The following SOX30 variants were observed in gnomAD, a reference collection of about 807,000 sequenced individuals.
SOX30 encodes transcription factor SOX-30.
A neutral mutation model predicts 58.6 loss-of-function variants in SOX30; 17 were observed. The ratio of observed to expected loss-of-function variants is 0.29; its 90% CI spans 0.20 to 0.44. SOX30 has a LOEUF of 0.44. Ranked by LOEUF, SOX30 falls within the 20% of genes least tolerant of loss-of-function variation. The pLI is 1.00. For missense variants in SOX30, 951 were observed against 965.8 expected (o/e 0.98, Z 0.20); for synonymous variants, 421 against 400.2 (o/e 1.05, Z -0.62).
upstream of SOX30, among the ~76,000 whole-genome samples, chr5:157,657,169 T>C (rs950434976): frequency 6.6e-5 from 10 of 152,200 alleles, no homozygotes; most frequent in African/African-American, 2.4e-4. Context: ...TAAAATGGTG[T>C]TTGGATTTTT....
chr5:157,637,087 C>T (rs1271061518), intron 4 of SOX30, among the ~76,000 whole-genome samples: 2 of 145,920 alleles, frequency 1.4e-5, no homozygotes, highest in African/African-American at 2.6e-5. Context: ...GAGCCAAGAT[C>T]GCGCCATTGC....
In SOX30 at chr5:157,638,272, T is replaced by C. The variant is rs754100017; in HGVS notation, c.1838A>G (p.His613Arg). The C allele has an allele frequency of 1.3e-6, 2 of 1,569,202 alleles. No individual in the cohort carries two copies. Among genetic ancestry groups the C allele is most frequent in the Non-Finnish European group, 1.7e-6 (2 of 1,156,320 alleles). ...LFGTPPRFSF[H>R]HPYFLPGPHY... is the part of the protein sequence containing the mutation. Reference sequence around the variant, plus strand: ...AGGTCCGGGTAGGAAGTAAGGGTGATGAAAAGAGAATCTTGGTGGTGTCCC... The same window carrying C: ...AGGTCCGGGTAGGAAGTAAGGGTGACGAAAAGAGAATCTTGGTGGTGTCCC... The change falls in exon 4 of 5, where the codon CAT becomes CGT. Residue 613 changes from histidine to arginine, a missense_variant. By Grantham distance (29) the His-to-Arg change is conservative (BLOSUM62 0). This residue lies in a region of SOX30 where 381 missense variants were observed against 390.0 expected (regional missense o/e 0.98). Coordinates refer to ENST00000265007, the MANE Select transcript of SOX30 (RefSeq NM_178424.2).
chr5:157,657,749 C>G (rs1759502324), intron 2 of SOX30, among the ~76,000 whole-genome samples: 1 of 152,186 alleles, frequency 6.6e-6, no homozygotes, highest in Non-Finnish European at 1.5e-5. Context: ...TTCTCTCTAC[C>G]TAATTTCTCC....
At chr5:157,628,616 T>C (rs1009710588) in intron 4 of SOX30, among the ~76,000 whole-genome samples, 12 of 151,810 alleles carry the variant, frequency 7.9e-5, no homozygotes, top group Middle Eastern at 3.4e-3. Context: ...TTAAATTTAA[T>C]ACACATGTCC....
upstream of SOX30, among the ~76,000 whole-genome samples, chr5:157,652,998 C>T (rs535565380): frequency 1.3e-5 from 2 of 152,320 alleles, no homozygotes; most frequent in South Asian, 4.1e-4. Flanking sequence ...CCCCCAGTGG[C>T]TTGGGATCTA....
intron 4 of SOX30, among the ~76,000 whole-genome samples, chr5:157,634,269 A>G (rs1272389101): frequency 1.3e-5 from 2 of 152,216 alleles, no homozygotes; most frequent in Non-Finnish European, 2.9e-5. Context: ...GTTGGAGTGC[A>G]GTGGCATGAT....
chr5:157,652,299 C>A lies in SOX30; in HGVS notation c.-221G>T. On this transcript the variant is annotated 5_prime_UTR_variant, in exon 1 of 5. Coordinates refer to ENST00000265007, the MANE Select transcript of SOX30 (RefSeq NM_178424.2). ...TCCGGCTCTTCCTGGTCCCTACTCTCGCCTCGTGCTGAGTCCTCGAATCAC... is the reference window on the plus strand; with the variant it reads ...TCCGGCTCTTCCTGGTCCCTACTCTAGCCTCGTGCTGAGTCCTCGAATCAC... The A allele has an allele frequency of 8.1e-7, 1 of 1,236,360 alleles. No homozygotes were observed. Among genetic ancestry groups the A allele is most frequent in the Non-Finnish European group, 1.0e-6 (1 of 991,704 alleles). 76.6% of individuals were successfully genotyped at this position (1,236,360 alleles called of 1,614,324 possible). A position where few individuals can be genotyped will look rare whatever the true frequency, so the allele number is the denominator to read the frequency against.
chr5:157,628,295 G>A (rs1758708738), intron 4 of SOX30, among the ~76,000 whole-genome samples: 1 of 151,594 alleles, frequency 6.6e-6, no homozygotes, highest in South Asian at 2.1e-4. Flanking sequence ...TCTAGTGACA[G>A]ATAACATAAA....
Position 157,626,430 on chromosome 5 carries a change from T to C in SOX30, c.2172A>G (p.Thr724=). The part of the protein sequence containing the change: ...LDIGTLENVF[T]APTSTPSSIQ... ...TGCTAGAAGGAGTTGATGTCGGGGC[T>C]GTGAAGACATTCTCCAAGGTTCCAA... Residue 724 remains threonine (T), a synonymous_variant, in exon 5 of 5, where the codon ACA becomes ACG. Transcript: ENST00000265007. 6.2e-7 allele frequency: 1 copy of C among 1,614,232 alleles called. No homozygotes were observed. Among genetic ancestry groups the C allele is most frequent in the Non-Finnish European group, 8.5e-7 (1 of 1,180,034 alleles).
At chr5:157,668,308 G>A (rs1474351152) in intron 1 of SOX30, among the ~76,000 whole-genome samples, 1 of 152,148 alleles carries the variant, frequency 6.6e-6, no homozygotes. Flanking sequence ...TGTCAGGCAG[G>A]GGCAGTGATT....
At chr5:157,630,939 T>TAAA in intron 4 of SOX30, among the ~76,000 whole-genome samples, 2 of 135,454 alleles carry the variant, frequency 1.5e-5, no homozygotes, top group Admixed American at 8.4e-5. Flanking sequence ...ATTATATATA[T>TAAA]ATACTATATA....
At chr5:157,667,941 A>G in intron 1 of SOX30, 1 of 1,368,230 alleles carries the variant, frequency 7.3e-7, no homozygotes, top group African/African-American at 1.4e-5. Context: ...CCCCACAACA[A>G]CACTTGTCAG....
chr5:157,659,772 G>A (rs1303859952), intron 2 of SOX30, among the ~76,000 whole-genome samples: 1 of 152,168 alleles, frequency 6.6e-6, no homozygotes, highest in East Asian at 1.9e-4. Context: ...CATAGCTTCA[G>A]TCCAGAGAGG....
At position 157,652,274 on chromosome 5, in the gene SOX30, T is replaced by C. The variant is rs1039710129; in HGVS notation, c.-196A>G. 7.7e-5 allele frequency: 96 copies of C among 1,251,252 alleles called. No homozygotes were observed. The highest frequency in any genetic ancestry group is 9.2e-5 in the Non-Finnish European group (92 of 1,001,024). The allele number at this position is 1,251,252 out of a possible 1,614,324, so 77.5% of individuals were successfully genotyped here. A position where few individuals can be genotyped will look rare whatever the true frequency, so the allele number is the denominator to read the frequency against. On this transcript the variant is annotated 5_prime_UTR_variant, in exon 1 of 5. Transcript: ENST00000265007. The stretch of plus-strand genomic sequence containing the variant: ...TGGACGGCCAATCACAGGCGGGTTT[T>C]CCGGCTCTTCCTGGTCCCTACTCTC...
At chr5:157,644,374 A>C (rs60272845) in intron 3 of SOX30, among the ~76,000 whole-genome samples, 2,330 of 152,322 alleles carry the variant, frequency 0.015, 71 homozygotes, top group African/African-American at 0.053. Context: ...TTCTTGTCTT[A>C]GATTTGATTA....
chr5:157,642,147 C>T (rs989715418), intron 3 of SOX30, among the ~76,000 whole-genome samples: 3 of 152,042 alleles, frequency 2.0e-5, no homozygotes, highest in African/African-American at 7.2e-5. Context: ...GAAACCCCGT[C>T]TCTACTAAAA....
intron 4 of SOX30, among the ~76,000 whole-genome samples, chr5:157,635,487 G>A (rs1758904496): frequency 6.6e-6 from 1 of 152,066 alleles, no homozygotes; most frequent in African/African-American, 2.4e-5. Flanking sequence ...AGCCGGGTGT[G>A]GTGATAGGCA....
At position 157,651,698 on chromosome 5, in the gene SOX30, C is replaced by G. The variant is rs1468349889; in HGVS notation, c.381G>C (p.Pro127=). 2 of 1,594,508 alleles carry G rather than the reference C, an allele frequency of 1.3e-6. No individual in the cohort carries two copies. The highest frequency in any genetic ancestry group is 2.7e-5 in the African/African-American group (2 of 74,388). The change falls in exon 1 of 5, where the codon CCG becomes CCC. Residue 127 remains proline, a synonymous_variant. Transcript: ENST00000265007. ...DGATSRPELH[P]VQPLALHVKA... ...TGACATGCAGCGCCAGGGGCTGCAC[C>G]GGGTGCAACTCGGGCCTGGAGGTGG...
At chr5:157,647,773 A>C (rs1759231685) in intron 2 of SOX30, among the ~76,000 whole-genome samples, 2 of 150,088 alleles carry the variant, frequency 1.3e-5, no homozygotes, top group South Asian at 2.1e-4. Flanking sequence ...GTTAGCCAGG[A>C]TGGTCTTGAT....
Sources: gnomAD v4.1 joint callset for allele counts (sites outside exome capture counted in the v4.1 genomes callset) on GRCh38, gnomAD v4.1.1 for gene constraint, gnomAD v4.1.1 regional missense constraint, MANE v1.5 for transcripts, NCBI Gene and HGNC (gene_info 2026-07-23, HGNC 2026-07-21) for gene names.